Variants in KAZN observed in about 807,000 individuals in gnomAD.
The protein encoded by KAZN is kazrin.
A neutral mutation model predicts 87.4 loss-of-function variants in KAZN; 40 were observed. That is an observed-to-expected ratio of 0.46 (90% CI 0.36 to 0.60). The LOEUF is 0.60. KAZN is among the 20% of genes least tolerant of loss of function. KAZN has a pLI of 0.00. For missense variants in KAZN, 898 were observed against 1,073.9 expected (o/e 0.84, Z 2.29); for synonymous variants, 466 against 458.3 (o/e 1.02, Z -0.22).
rs57203868 is a variant in KAZN, at chr1:14,727,450, C to CTTTTTTTTTTTTTTTTTTTTTT, written c.226+128252_226+128273dup. The stretch of plus-strand genomic sequence containing the variant: ...GTCCATCACATTTATTGTGCACTTT[C>CTTTTTTTTTTTTTTTTTTTTTT]TTTTTTTTTTTTTTTTTTTTTTTTT... On this transcript the variant is annotated intron_variant, in intron 1 of 14. Transcript: ENST00000376030. Among the ~76,000 whole-genome samples, 7 of 73,918 alleles carry CTTTTTTTTTTTTTTTTTTTTTT rather than the reference C, an allele frequency of 9.5e-5. 1 individual carries two copies. The highest frequency in any genetic ancestry group is 1.3e-4 in the Non-Finnish European group (5 of 38,998). The allele number at this position is 73,918 out of a possible 152,430, so 48.5% of individuals were successfully genotyped here.
At chr1:14,909,217 A>C (rs1392534729) in intron 1 of KAZN, among the ~76,000 whole-genome samples, 1 of 152,206 alleles carries the variant, frequency 6.6e-6, no homozygotes, top group East Asian at 1.9e-4. Context: ...GGTAAGCGCT[A>C]TACATGAGAG....
At position 14,883,401 on chromosome 1, in the gene KAZN, A is replaced by AAG. The variant is rs1491122323; in HGVS notation, c.227-77281_227-77280dup. Among the ~76,000 whole-genome samples the AAG allele has an allele frequency of 2.1e-5, 3 of 143,812 alleles. 1 individual carries two copies. The highest frequency in any genetic ancestry group is 5.5e-5 in the African/African-American group (2 of 36,082). The allele number at this position is 143,812 out of a possible 152,430, so 94.3% of individuals were successfully genotyped here. On this transcript the variant is annotated intron_variant, in intron 1 of 14. Coordinates refer to ENST00000376030, the MANE Select transcript of KAZN (RefSeq NM_201628.3). ...AAAGAAAGAAAGAAAGAAAGAAAGA[A>AAG]AGAAAGAAAGAAAGAAAGAAAGAAA...
At chr1:14,749,809 G>A (rs10927530) in intron 1 of KAZN, among the ~76,000 whole-genome samples, 7,426 of 152,144 alleles carry the variant, frequency 0.049, 229 homozygotes, top group South Asian at 0.15. Flanking sequence ...GGGGTCTTGG[G>A]AGTCGTATCA....
intron 2 of KAZN, among the ~76,000 whole-genome samples, chr1:14,418,892 G>A (rs1011146986): frequency 2.0e-5 from 3 of 152,194 alleles, no homozygotes; most frequent in South Asian, 2.1e-4. Flanking sequence ...TAAGGCTTCT[G>A]CATCTGCAGA....
chr1:14,070,406 C>G (rs528033001), intron 1 of KAZN, among the ~76,000 whole-genome samples: 1 of 152,120 alleles, frequency 6.6e-6, no homozygotes, highest in African/African-American at 2.4e-5. Context: ...ACACCCTAAT[C>G]AGAAAGATAT....
intron 1 of KAZN, among the ~76,000 whole-genome samples, chr1:14,759,484 A>C (rs979090089): frequency 2.6e-5 from 4 of 152,198 alleles, no homozygotes; most frequent in African/African-American, 7.2e-5. Context: ...GTATTTTGAT[A>C]ACCTTCCTTG....
At chr1:14,402,203 C>A (rs1356711861) in intron 2 of KAZN, among the ~76,000 whole-genome samples, 11 of 150,928 alleles carry the variant, frequency 7.3e-5, no homozygotes, top group African/African-American at 2.4e-4. Flanking sequence ...AATACAAAAC[C>A]CACATTTTAA....
At position 15,094,987 on chromosome 1, in the gene KAZN, C is replaced by A; in HGVS notation, c.1547+54C>A. ...AGGAGAGAAAAAGTCATCCTGAGGC[C>A]TTTGGTCACACAGGTGGGGTGAGCG... On this transcript the variant is annotated intron_variant, in intron 10 of 14. Transcript: ENST00000376030. The surrounding 1 kb of genome is among the most constrained non-coding windows in gnomAD (Gnocchi z 4.5). 8 of 1,290,624 alleles carry A rather than the reference C, an allele frequency of 6.2e-6. No homozygotes were observed. Among genetic ancestry groups the A allele is most frequent in the Non-Finnish European group, 8.7e-6 (8 of 915,540 alleles). 79.9% of individuals were successfully genotyped at this position (1,290,624 alleles called of 1,614,324 possible). A position where few individuals can be genotyped will look rare whatever the true frequency, so the allele number is the denominator to read the frequency against.
intron 1 of KAZN, among the ~76,000 whole-genome samples, chr1:14,782,556 A>G (rs972930804): frequency 8.5e-5 from 4 of 47,316 alleles, no homozygotes; most frequent in Middle Eastern, 8.8e-3. Context: ...TCAAAGAGCA[A>G]AAAAAAAAAA....
chr1:15,002,092 G>T (rs1435934228), intron 2 of KAZN, among the ~76,000 whole-genome samples: 1 of 152,012 alleles, frequency 6.6e-6, no homozygotes, highest in Non-Finnish European at 1.5e-5. Flanking sequence ...GTGTTAGCCA[G>T]GATGGTCTCG....
At chr1:14,064,611 G>C (rs1642932700) in intron 1 of KAZN, among the ~76,000 whole-genome samples, 1 of 152,120 alleles carries the variant, frequency 6.6e-6, no homozygotes, top group Admixed American at 6.5e-5. Flanking sequence ...TGGGCATTGT[G>C]AAAAGGAGGC....
At chr1:14,083,049 G>T (rs55889542) in intron 1 of KAZN, among the ~76,000 whole-genome samples, 1 of 152,092 alleles carries the variant, frequency 6.6e-6, no homozygotes, top group Non-Finnish European at 1.5e-5. Flanking sequence ...AAAATTAGCC[G>T]GGTGTGGTGG....
At chr1:13,949,084 T>A (rs12567296) in intron 1 of KAZN, among the ~76,000 whole-genome samples, 24,295 of 152,172 alleles carry the variant, frequency 0.16, 2,213 homozygotes, top group African/African-American at 0.24. Context: ...TTTCTGGATC[T>A]AATCTATTAT....
At chr1:14,941,528 C>G (rs571409276) in intron 1 of KAZN, among the ~76,000 whole-genome samples, 27 of 126,666 alleles carry the variant, frequency 2.1e-4, no homozygotes, top group African/African-American at 7.1e-4. Flanking sequence ...TCTTCTAGGC[C>G]AGGGCAGCCT....
intron 2 of KAZN, among the ~76,000 whole-genome samples, chr1:14,377,934 T>C (rs966936385): frequency 1.3e-5 from 2 of 152,228 alleles, no homozygotes; most frequent in African/African-American, 4.8e-5. Flanking sequence ...CCAGACATTA[T>C]CAAATGTCCC....
At chr1:14,775,206 T>G (rs1344675656) in intron 1 of KAZN, among the ~76,000 whole-genome samples, 4 of 152,200 alleles carry the variant, frequency 2.6e-5, no homozygotes, top group Admixed American at 2.0e-4. Flanking sequence ...GCCAAAGGGT[T>G]GGTTTTCTCC....
At chr1:14,344,839 A>G (rs991434460) in intron 2 of KAZN, among the ~76,000 whole-genome samples, 1 of 152,142 alleles carries the variant, frequency 6.6e-6, no homozygotes, top group African/African-American at 2.4e-5. Context: ...GATTTTTTTA[A>G]CTCATGTAAA....
intron 2 of KAZN, among the ~76,000 whole-genome samples, chr1:14,393,084 A>G (rs1662592939): frequency 6.6e-6 from 1 of 152,134 alleles, no homozygotes; most frequent in South Asian, 2.1e-4. Context: ...GCAAACTTGA[A>G]TATTGTTTGT....
rs1641870243 is a variant in KAZN, at chr1:15,117,141, G to A, written c.*2506G>A. On this transcript the variant is annotated 3_prime_UTR_variant, in exon 15 of 15. Coordinates refer to ENST00000376030, the MANE Select transcript of KAZN (RefSeq NM_201628.3). ...GTCAACTCTGCTTCAAGGTCGGCAA[G>A]AAGAACAGAAGGCGGAGACTTGGCA... 2 of 152,250 alleles carry A rather than the reference G, an allele frequency of 1.3e-5. No homozygotes were observed. The highest frequency in any genetic ancestry group is 4.8e-5 in the African/African-American group (2 of 41,448). The allele number at this position is 152,250 out of a possible 1,614,324, so 9.4% of individuals were successfully genotyped here.
Sources: allele counts gnomAD v4.1 joint callset (sites outside exome capture counted in the v4.1 genomes callset), GRCh38; gene constraint gnomAD v4.1.1; non-coding constraint Gnocchi (gnomAD v3.1); transcripts MANE v1.5; gene names NCBI Gene and HGNC (gene_info 2026-07-23, HGNC 2026-07-21).